The following VPS13C variants were observed in gnomAD, a reference collection of about 807,000 sequenced individuals.
The protein encoded by VPS13C is vacuolar protein sorting 13 homolog C.
Under a neutral mutation model 456.8 loss-of-function variants are expected in VPS13C, and 358 were observed. That is an observed-to-expected ratio of 0.78 (90% CI 0.72 to 0.86). VPS13C has a LOEUF of 0.86. Among genes scored for constraint, VPS13C ranks in the 40% least tolerant of loss-of-function variants. The pLI is 0.00. For synonymous variants in VPS13C, 1,578 were observed against 1,486.7 expected, an observed-to-expected ratio of 1.06 and a Z score of -1.41; for missense variants, 4,818 against 4,385.4, an observed-to-expected ratio of 1.10 and a Z score of -2.79.
chr15:61,890,492 A>G (rs1279879244), intron 66 of VPS13C, 92 bp from the exon 67 acceptor site: 1 of 1,108,774 alleles, frequency 9.0e-7, no homozygotes, highest in East Asian at 2.6e-5. Context: ...AGAAAAGTTT[A>G]AGAAGCACTA....
intron 8 of VPS13C, among the ~76,000 whole-genome samples, chr15:62,020,845 T>C (rs1011169844): frequency 5.3e-5 from 8 of 152,008 alleles, no homozygotes. Context: ...TCTTTTTATG[T>C]GTATAATCAA....
Position 61,959,447 on chromosome 15 carries a change from C to T in VPS13C, c.4056+1G>A, listed in dbSNP as rs773001711. On this transcript the variant is annotated splice_donor_variant, in intron 36 of 84. Transcript: ENST00000644861. LOFTEE classifies it high-confidence loss of function. ...AGTTTTTTCTTCACTCATATACTTA[C>T]ATTCATTGAATCAAGATGTCCTTTA... 1 of 1,608,480 alleles carries T rather than the reference C, an allele frequency of 6.2e-7. No homozygotes were observed. Among genetic ancestry groups the T allele is most frequent in the East Asian group, 2.2e-5 (1 of 44,762 alleles).
Position 62,007,451 on chromosome 15 carries a change from C to G in VPS13C, c.1147G>C (p.Glu383Gln). 6.3e-7 allele frequency: 1 copy of G among 1,590,022 alleles called. No homozygotes were observed. Among genetic ancestry groups the G allele is most frequent in the East Asian group, 2.3e-5 (1 of 44,010 alleles). The change falls in exon 15 of 85, where the codon GAA (glutamate) becomes CAA (glutamine). Residue 383 changes from glutamate (E) to glutamine (Q), a missense_variant. Glu to Gln is a conservative substitution (Grantham distance 29). Around this residue, in one of 3 missense-constraint regions of VPS13C, gnomAD observed 4,552 missense variants for 4,130.6 expected, o/e 1.10. Coordinates refer to ENST00000644861, the MANE Select transcript of VPS13C (RefSeq NM_020821.3). ...WWKYAIDSVL[E>Q]VHIRRYTQMW... is the part of the protein sequence containing the mutation. ...TGTGTATACCTTCTTATATGAACTT[C>G]AAGAACAGAATCAATTGCATATTTC...
At chr15:61,998,181 C>T (rs556310800) in intron 16 of VPS13C, among the ~76,000 whole-genome samples, 1 of 152,284 alleles carries the variant, frequency 6.6e-6, no homozygotes, top group Non-Finnish European at 1.5e-5. Context: ...ATACCTTTCC[C>T]TTAGATATCT....
chr15:61,962,599 T>C lies in VPS13C; in HGVS notation c.3436-61A>G, dbSNP rs1395346108. Reference sequence around the variant, plus strand: ...AAGGTAATGACAAAATAAAATCTCATTTACAAAAGGCTTTACATTTATAAT... The same window carrying C: ...AAGGTAATGACAAAATAAAATCTCACTTACAAAAGGCTTTACATTTATAAT... On this transcript the variant is annotated intron_variant, in intron 33 of 84. Transcript: ENST00000644861. 6 of 1,490,540 alleles carry C rather than the reference T, an allele frequency of 4.0e-6. No individual in the cohort carries two copies. In the African/African-American group the frequency reaches 4.2e-5, roughly 10 times the overall value. The allele number at this position is 1,490,540 out of a possible 1,614,324, so 92.3% of individuals were successfully genotyped here.
chr15:61,869,124 T>TTTTTC (rs1894816530), intron 80 of VPS13C, among the ~76,000 whole-genome samples: 1 of 145,290 alleles, frequency 6.9e-6, no homozygotes, highest in Non-Finnish European at 1.5e-5. Flanking sequence ...TTCTTTTTTT[T>TTTTTC]TTTTTTTTTT....
intron 1 of VPS13C, among the ~76,000 whole-genome samples, chr15:62,051,858 T>G (rs919120660): frequency 1.6e-4 from 25 of 152,222 alleles, no homozygotes; most frequent in Non-Finnish European, 2.6e-4. Flanking sequence ...ATTTTAGTAC[T>G]TTTTAAAAAT....
intron 12 of VPS13C, 43 bp downstream of exon 12, chr15:62,012,064 T>C (rs748937696): frequency 2.5e-5 from 29 of 1,182,088 alleles, no homozygotes; most frequent in Non-Finnish European, 3.3e-5. Context: ...TTTAATTCTA[T>C]GTTTCTTCCT....
At chr15:62,040,914 T>C (rs2048221025) in intron 3 of VPS13C, among the ~76,000 whole-genome samples, 1 of 152,170 alleles carries the variant, frequency 6.6e-6, no homozygotes, top group Non-Finnish European at 1.5e-5. Flanking sequence ...CATTGCTGCA[T>C]AATATATCAA....
intron 52 of VPS13C, among the ~76,000 whole-genome samples, chr15:61,926,224 C>A (rs1467194976): frequency 2.0e-5 from 3 of 151,976 alleles, no homozygotes; most frequent in African/African-American, 4.8e-5. Flanking sequence ...TATAGCAAGA[C>A]CCCCTTCTCT....
At chr15:62,050,966 TAG>T (rs1255577532) in intron 1 of VPS13C, among the ~76,000 whole-genome samples, 3 of 150,630 alleles carry the variant, frequency 2.0e-5, no homozygotes, top group African/African-American at 7.3e-5. Flanking sequence ...TTGCTAGTTA[TAG>T]AAAACAACCA....
intron 16 of VPS13C, among the ~76,000 whole-genome samples, chr15:61,996,830 G>GAA (rs141566472): frequency 5.7e-5 from 8 of 140,484 alleles, no homozygotes; most frequent in East Asian, 2.1e-4. Flanking sequence ...AAGACTGCAG[G>GAA]AAAAAAAAAT....
chr15:62,056,664 C>T (rs2048811622), intron 1 of VPS13C, among the ~76,000 whole-genome samples: 4 of 152,140 alleles, frequency 2.6e-5, no homozygotes, highest in South Asian at 2.1e-4. Flanking sequence ...CGCAGTTATC[C>T]GGAGGCCTAA....
chr15:61,854,579 T>C (rs1256789147), intron 84 of VPS13C, 21 bp from the exon 85 acceptor site: 1 of 1,610,824 alleles, frequency 6.2e-7, no homozygotes, highest in Non-Finnish European at 8.5e-7. Flanking sequence ...AAATACTTAT[T>C]ATGAATTTTA....
rs1462969054 is a variant in VPS13C at position 61,868,122 on chromosome 15, T to C, written c.10863+537A>G. On this transcript the variant is annotated intron_variant, in intron 81 of 84. Transcript: ENST00000644861. ...TGGGGGAAAGCCTGTCATGGGAGAA[T>C]AGCAATTTATATATGTATATATTAT... Among the ~76,000 whole-genome samples the C allele has an allele frequency of 2.0e-5, 3 of 152,172 alleles. No individual in the cohort carries two copies. The South Asian group carries it at 6.2e-4, about 32-fold the overall frequency.
chr15:62,038,340 G>C (rs1336930428), intron 3 of VPS13C, among the ~76,000 whole-genome samples: 1 of 152,154 alleles, frequency 6.6e-6, no homozygotes, highest in East Asian at 1.9e-4. Flanking sequence ...TGTAATCCCA[G>C]CATTTTGGGA....
rs1389048992 is a variant in VPS13C at position 61,925,811 on chromosome 15, T to C, written c.6517-263A>G. On this transcript the variant is annotated intron_variant, in intron 52 of 84. Transcript: ENST00000644861. ...AAATCCTTAAGTAATAAAGCAGATTTACTGTTTAAAATGTTTCTTTCTGCT... is the reference window on the plus strand; with the variant it reads ...AAATCCTTAAGTAATAAAGCAGATTCACTGTTTAAAATGTTTCTTTCTGCT... Among the ~76,000 whole-genome samples the C allele has an allele frequency of 2.0e-5, 3 of 152,254 alleles. No individual in the cohort carries two copies. In the South Asian group the frequency reaches 6.2e-4, roughly 31 times the overall value.
chr15:62,051,698 CA>C (rs1567152305), intron 1 of VPS13C, among the ~76,000 whole-genome samples: 3 of 151,836 alleles, frequency 2.0e-5, no homozygotes, highest in Non-Finnish European at 4.4e-5. Flanking sequence ...TAAAAAAATC[CA>C]AAACAAAAAG....
chr15:62,012,270 TTCA>T (rs1257032975), intron 11 of VPS13C, 106 bp from the exon 12 acceptor site: 1 of 588,978 alleles, frequency 1.7e-6, no homozygotes, highest in East Asian at 3.2e-5. Context: ...AGCTTGGTTC[TTCA>T]TCAATATCTT....
Sources: allele counts gnomAD v4.1 joint callset (sites outside exome capture counted in the v4.1 genomes callset), GRCh38; gene constraint gnomAD v4.1.1; regional missense constraint gnomAD v4.1.1; transcripts MANE v1.5; gene names NCBI Gene and HGNC (gene_info 2026-07-23, HGNC 2026-07-21).